Variants in ADAMTS5 observed in about 807,000 individuals in gnomAD.
The protein encoded by ADAMTS5 is A disintegrin and metalloproteinase with thrombospondin motifs 5.
ADAMTS5 carries 54 observed loss-of-function variants against 81.4 expected under a neutral mutation model. That is an observed-to-expected ratio of 0.66 (90% CI 0.53 to 0.83). The LOEUF is 0.83. Among genes scored for constraint, ADAMTS5 ranks in the 40% least tolerant of loss-of-function variants. The pLI is 0.00. For synonymous variants in ADAMTS5, 532 were observed against 508.8 expected, an observed-to-expected ratio of 1.05 and a Z score of -0.61; for missense variants, 1,194 against 1,229.9, an observed-to-expected ratio of 0.97 and a Z score of 0.44.
At chr21:26,960,320 C>T (rs1467513051) in intron 1 of ADAMTS5, among the ~76,000 whole-genome samples, 1 of 152,190 alleles carries the variant, frequency 6.6e-6, no homozygotes, top group Non-Finnish European at 1.5e-5. Flanking sequence ...TGTCTTCCTA[C>T]TAATGTTCTT....
rs1261737189 is a variant in ADAMTS5 at position 26,966,814 on chromosome 21, C to T, written c.-423G>A. On this transcript the variant is annotated 5_prime_UTR_variant, in exon 1 of 8. Transcript: ENST00000284987. ...GGCAACTGGTGCGCGCAGCCTCCCG[C>T]CCCCGCGCTGCGCTGGACAAGCCGG... Among the ~76,000 whole-genome samples the T allele has an allele frequency of 6.6e-6, 1 of 152,128 alleles. No individual in the cohort carries two copies.
chr21:26,965,570 C>T lies in ADAMTS5; in HGVS notation c.822G>A (p.Val274=). 1 of 1,609,748 alleles carries T rather than the reference C, an allele frequency of 6.2e-7. No homozygotes were observed. Among genetic ancestry groups the T allele is most frequent in the Non-Finnish European group, 8.5e-7 (1 of 1,177,530 alleles). ...ACAACCGCGCCATGGACGCGTCAGCCACCAGAAGCAGCTCCACCTGGCGGG... is the reference window on the plus strand; with the variant it reads ...ACAACCGCGCCATGGACGCGTCAGCTACCAGAAGCAGCTCCACCTGGCGGG... ...SRARQVELLL[V]ADASMARLYG... is the part of the protein sequence containing the mutation. Residue 274 remains valine (V), a synonymous_variant, in exon 1 of 8, where the codon GTG becomes GTA. Transcript: ENST00000284987.
At position 26,924,611 on chromosome 21, in the gene ADAMTS5, G is replaced by T; in HGVS notation, c.2235C>A (p.Tyr745Ter). ...VGTFNKKSKGYTDVVRIPEGA... is the reference protein window; with the variant it reads ...VGTFNKKSKG ...CTTCAGGAATCCTCACCACGTCAGT[G>T]TAACCCTTACTGGAAGTAGGAATGT... The change falls in exon 8 of 8, where the codon TAC (tyrosine) becomes TAA (stop). Residue 745 changes from tyrosine (Y) to a stop codon, truncating the protein, a stop_gained. Coordinates refer to ENST00000284987, the MANE Select transcript of ADAMTS5 (RefSeq NM_007038.5). LOFTEE classifies it high-confidence loss of function. The T allele has an allele frequency of 1.9e-6, 3 of 1,610,012 alleles. No homozygotes were observed. Among genetic ancestry groups the T allele is most frequent in the Non-Finnish European group, 2.5e-6 (3 of 1,177,730 alleles).
intron 1 of ADAMTS5, 99 bp from the exon 2 acceptor site, chr21:26,954,970 G>T: frequency 7.1e-7 from 1 of 1,416,036 alleles, no homozygotes; most frequent in East Asian, 2.4e-5. Context: ...ACAGGGATAT[G>T]TTTATGGTAT....
In ADAMTS5 at chr21:26,934,489, T is replaced by C; in HGVS notation, c.1666A>G (p.Lys556Glu). The change falls in exon 4 of 8, where the codon AAA (lysine) becomes GAA (glutamate). Residue 556 changes from lysine to glutamate, a missense_variant. By Grantham distance (56) the Lys-to-Glu change is moderately conservative. Coordinates refer to ENST00000284987, the MANE Select transcript of ADAMTS5 (RefSeq NM_007038.5). Reference protein sequence around the residue: ...RICLQGKCVDKTKKKYYSTSS... With the variant: ...RICLQGKCVDETKKKYYSTSS... ...ACTGAATAATATTTTTTCTTGGTTT[T>C]GTCCACACATTTGCCCTGCAGGCAG... The C allele has an allele frequency of 6.2e-7, 1 of 1,614,254 alleles. No individual in the cohort carries two copies. The highest frequency in any genetic ancestry group is 1.1e-5 in the South Asian group (1 of 91,084).
At chr21:26,945,917 A>G (rs1987206254) in intron 2 of ADAMTS5, among the ~76,000 whole-genome samples, 1 of 152,330 alleles carries the variant, frequency 6.6e-6, no homozygotes, top group East Asian at 1.9e-4. Flanking sequence ...TCCAAAAGTC[A>G]GGCAGAAACA....
Position 26,965,752 on chromosome 21 carries a change from A to G in ADAMTS5, c.640T>C (p.Ser214Pro). 6.3e-7 allele frequency: 1 copy of G among 1,597,676 alleles called. No homozygotes were observed. Among genetic ancestry groups the G allele is most frequent in the Admixed American group, 1.7e-5 (1 of 58,260 alleles). Reference protein sequence around the residue: ...PPRASCETPASTPEAHEHAPA... With the variant: ...PPRASCETPAPTPEAHEHAPA... ...GCATGCTCGTGGGCCTCCGGTGTGG[A>G]CGCGGGGGTTTCGCAGCTGGCGCGC... Residue 214 changes from serine (S) to proline (P), a missense_variant, in exon 1 of 8, where the codon TCC (serine) becomes CCC (proline). Transcript: ENST00000284987.
chr21:26,925,250 C>G (rs1001239565), intron 7 of ADAMTS5, among the ~76,000 whole-genome samples: 5 of 152,288 alleles, frequency 3.3e-5, no homozygotes, highest in Admixed American at 2.0e-4. Flanking sequence ...TGAGTAGAGT[C>G]TCTGCATTCC....
intron 1 of ADAMTS5, among the ~76,000 whole-genome samples, chr21:26,960,471 A>T (rs1601020693): frequency 6.6e-6 from 1 of 152,254 alleles, no homozygotes; most frequent in Non-Finnish European, 1.5e-5. Context: ...GGTCATGAGG[A>T]CAGGACTCTA....
At chr21:26,964,350 T>C (rs1987592915) in intron 1 of ADAMTS5, among the ~76,000 whole-genome samples, 1 of 152,190 alleles carries the variant, frequency 6.6e-6, no homozygotes. Context: ...TGTAAATAGA[T>C]ACTGCGTTCC....
In ADAMTS5 at chr21:26,919,503, C is replaced by A. The variant is rs1317698361; in HGVS notation, c.*4550G>T. 6.6e-6 allele frequency: 1 copy of A among 151,156 alleles called. No individual in the cohort carries two copies. Among genetic ancestry groups the A allele is most frequent in the African/African-American group, 2.4e-5 (1 of 41,206 alleles). The allele number at this position is 151,156 out of a possible 1,614,324, so 9.4% of individuals were successfully genotyped here. ...TTTTTTCAAAACCAACATCATCTAA[C>A]AACATATTCTTTTAGTTTTTCCATA... On this transcript the variant is annotated 3_prime_UTR_variant, in exon 8 of 8. Coordinates refer to ENST00000284987, the MANE Select transcript of ADAMTS5 (RefSeq NM_007038.5).
In ADAMTS5 at chr21:26,923,439, T is replaced by C. The variant is rs1027034389; in HGVS notation, c.*614A>G. Reference sequence around the variant, plus strand: ...GAAGATACTTGCTGTCAAAATGGTTTTTTGACTGAAATTTTATCTCCTGTA... The same window carrying C: ...GAAGATACTTGCTGTCAAAATGGTTCTTTGACTGAAATTTTATCTCCTGTA... On this transcript the variant is annotated 3_prime_UTR_variant, in exon 8 of 8. Coordinates refer to ENST00000284987, the MANE Select transcript of ADAMTS5 (RefSeq NM_007038.5). 2.6e-5 allele frequency: 4 copies of C among 152,460 alleles called. No homozygotes were observed. 9.4% of individuals were successfully genotyped at this position (152,460 alleles called of 1,614,324 possible). A position where few individuals can be genotyped will look rare whatever the true frequency, so the allele number is the denominator to read the frequency against.
intron 1 of ADAMTS5, among the ~76,000 whole-genome samples, chr21:26,957,677 A>G (rs993165961): frequency 2.0e-5 from 3 of 152,186 alleles, no homozygotes; most frequent in Non-Finnish European, 2.9e-5. Context: ...CTGTGTGGAC[A>G]GTAATGCAGT....
rs1316359551 is a variant in ADAMTS5, at chr21:26,921,204, A to G, written c.*2849T>C. 6.6e-6 allele frequency: 1 copy of G among 152,446 alleles called. No individual in the cohort carries two copies. The highest frequency in any genetic ancestry group is 1.9e-4 in the East Asian group (1 of 5,196). The allele number at this position is 152,446 out of a possible 1,614,324, so 9.4% of individuals were successfully genotyped here. A position where few individuals can be genotyped will look rare whatever the true frequency, so the allele number is the denominator to read the frequency against. On this transcript the variant is annotated 3_prime_UTR_variant, in exon 8 of 8. Transcript: ENST00000284987. Reference sequence around the variant, plus strand: ...GTTTGTGATTTATCCCCTAATTCCTAGTTTAGTGGGATAAAACTGTTTCCA... The same window carrying G: ...GTTTGTGATTTATCCCCTAATTCCTGGTTTAGTGGGATAAAACTGTTTCCA...
rs754295427 is a variant in ADAMTS5, at chr21:26,924,443, G to T, written c.2403C>A (p.Ile801=). 6.2e-7 allele frequency: 1 copy of T among 1,614,178 alleles called. No homozygotes were observed. The highest frequency in any genetic ancestry group is 8.5e-7 in the Non-Finnish European group (1 of 1,180,016). The part of the protein sequence containing the change: ...MISTSETIID[I]NGTVMNYSGW... ...CGCTATAGTTCATGACTGTTCCATTGATGTCAATGATAGTCTCTGAAGTGG... is the reference window on the plus strand; with the variant it reads ...CGCTATAGTTCATGACTGTTCCATTTATGTCAATGATAGTCTCTGAAGTGG... Residue 801 remains isoleucine (I), a synonymous_variant, in exon 8 of 8, where the codon ATC becomes ATA. Transcript: ENST00000284987.
chr21:26,955,237 A>G (rs1987402348), intron 1 of ADAMTS5, among the ~76,000 whole-genome samples: 1 of 152,230 alleles, frequency 6.6e-6, no homozygotes, highest in African/African-American at 2.4e-5. Context: ...TGCTAAATTT[A>G]TCAAAATCTG....
rs1986709664 is a variant in ADAMTS5 at position 26,922,069 on chromosome 21, T to C, written c.*1984A>G. On this transcript the variant is annotated 3_prime_UTR_variant, in exon 8 of 8. Transcript: ENST00000284987. ...ATGGCACTGGGATTATTATTTTTTT[T>C]CTCACCTATTTAACTAGGTTTGCTT... The C allele has an allele frequency of 6.6e-6, 1 of 152,106 alleles. No individual in the cohort carries two copies. The highest frequency in any genetic ancestry group is 2.1e-4 in the South Asian group (1 of 4,828). 9.4% of individuals were successfully genotyped at this position (152,106 alleles called of 1,614,324 possible). A position where few individuals can be genotyped will look rare whatever the true frequency, so the allele number is the denominator to read the frequency against.
rs560324267 is a variant in ADAMTS5, at chr21:26,933,526, T to C, written c.1690-482A>G. ...GTCCCTTTGTTGACATCCCACATCC[T>C]GTCTGTGACCGACTCCATGACGTTC... is the stretch of plus-strand genomic sequence containing the variant. On this transcript the variant is annotated intron_variant, in intron 4 of 7. Coordinates refer to ENST00000284987, the MANE Select transcript of ADAMTS5 (RefSeq NM_007038.5). 2.6e-5 allele frequency among the ~76,000 whole-genome samples: 4 copies of C among 152,360 alleles called. No individual in the cohort carries two copies. The East Asian group carries it at 5.8e-4, about 22-fold the overall frequency.
rs942705280 is a variant in ADAMTS5 at position 26,921,386 on chromosome 21, A to T, written c.*2667T>A. Reference sequence around the variant, plus strand: ...TTGTACTTAATAAAACTTATTATGGAGTGCTTAGTTATGTAAGTGAGATTA... The same window carrying T: ...TTGTACTTAATAAAACTTATTATGGTGTGCTTAGTTATGTAAGTGAGATTA... On this transcript the variant is annotated 3_prime_UTR_variant, in exon 8 of 8. Transcript: ENST00000284987. 3 of 151,104 alleles carry T rather than the reference A, an allele frequency of 2.0e-5. No individual in the cohort carries two copies. Among genetic ancestry groups the T allele is most frequent in the Non-Finnish European group, 4.4e-5 (3 of 67,682 alleles). The allele number at this position is 151,104 out of a possible 1,614,324, so 9.4% of individuals were successfully genotyped here.
Sources: gnomAD v4.1 joint callset for allele counts (sites outside exome capture counted in the v4.1 genomes callset) on GRCh38, gnomAD v4.1.1 for gene constraint, MANE v1.5 for transcripts, NCBI Gene and HGNC (gene_info 2026-07-23, HGNC 2026-07-21) for gene names.